Variants in DLC1 observed in about 807,000 individuals in gnomAD.
DLC1 encodes rho GTPase-activating protein 7.
Under a neutral mutation model 140.3 loss-of-function variants are expected in DLC1, and 54 were observed. The ratio of observed to expected loss-of-function variants is 0.38; its 90% CI spans 0.31 to 0.48. The LOEUF (loss-of-function observed/expected upper bound fraction) is 0.48, where lower values mean the gene tolerates loss of function less well. Ranked by LOEUF, DLC1 falls within the 20% of genes least tolerant of loss-of-function variation. The probability of loss-of-function intolerance (pLI) is 0.96; values close to 1 mark genes in which losing one functional copy is unlikely to be tolerated. For synonymous variants in DLC1, 986 were observed against 728.1 expected, an observed-to-expected ratio of 1.35 and a Z score of -5.70; for missense variants, 2,536 against 1,907.0, an observed-to-expected ratio of 1.33 and a Z score of -6.14.
chr8:13,513,544 T>C (rs766708043), intron 1 of DLC1, among the ~76,000 whole-genome samples: 2 of 152,112 alleles, frequency 1.3e-5, no homozygotes, highest in Non-Finnish European at 2.9e-5. Flanking sequence ...ACTTAGTATA[T>C]TTTGTATTCA....
chr8:13,128,824 G>A (rs1304478969), intron 5 of DLC1, among the ~76,000 whole-genome samples: 2 of 146,520 alleles, frequency 1.4e-5, no homozygotes, highest in African/African-American at 5.2e-5. Context: ...GACAGAGAGA[G>A]ACTCCGTCTC....
At chr8:13,263,592 A>C (rs1273643433) in intron 5 of DLC1, among the ~76,000 whole-genome samples, 2 of 150,876 alleles carry the variant, frequency 1.3e-5, no homozygotes, top group East Asian at 3.9e-4. Flanking sequence ...TTATATCTGT[A>C]CATATGTGTT....
intron 2 of DLC1, among the ~76,000 whole-genome samples, chr8:13,461,820 T>C (rs964644856): frequency 6.6e-6 from 1 of 152,144 alleles, no homozygotes; most frequent in Non-Finnish European, 1.5e-5. Flanking sequence ...ATGCTCTTCG[T>C]TACCCCGTAC....
chr8:13,206,361 G>A (rs1263460601), intron 5 of DLC1, among the ~76,000 whole-genome samples: 1 of 152,162 alleles, frequency 6.6e-6, no homozygotes, highest in Non-Finnish European at 1.5e-5. Context: ...ATTATGTCAT[G>A]TAAAAGGTTT....
intron 2 of DLC1, among the ~76,000 whole-genome samples, chr8:13,435,186 A>G (rs73208006): frequency 4.0e-4 from 61 of 152,330 alleles, no homozygotes; most frequent in Admixed American, 1.7e-3. Flanking sequence ...TCCAATCCTC[A>G]TGGATGACTT....
At chr8:13,179,287 A>C (rs1825914659) in intron 5 of DLC1, among the ~76,000 whole-genome samples, 1 of 152,108 alleles carries the variant, frequency 6.6e-6, no homozygotes, top group South Asian at 2.1e-4. Context: ...GTGGGGCAGG[A>C]AGGGATCGTC....
At chr8:13,142,113 T>G (rs975275608) in intron 5 of DLC1, among the ~76,000 whole-genome samples, 7 of 152,230 alleles carry the variant, frequency 4.6e-5, no homozygotes, top group African/African-American at 1.7e-4. Context: ...TCCTGCCGCC[T>G]TGTGAAGAAG....
chr8:13,391,489 G>T (rs898635424), intron 4 of DLC1, among the ~76,000 whole-genome samples: 3 of 151,930 alleles, frequency 2.0e-5, no homozygotes, highest in African/African-American at 7.3e-5. Flanking sequence ...TGCGATTGTG[G>T]GGTGGTCAAT....
At chr8:13,412,088 T>C (rs1465461925) in intron 2 of DLC1, among the ~76,000 whole-genome samples, 1 of 152,186 alleles carries the variant, frequency 6.6e-6, no homozygotes, top group Non-Finnish European at 1.5e-5. Context: ...AATATTTAGA[T>C]CATATGTACG....
intron 1 of DLC1, among the ~76,000 whole-genome samples, chr8:13,571,991 C>T (rs1199453201): frequency 1.3e-5 from 2 of 152,034 alleles, no homozygotes; most frequent in Non-Finnish European, 2.9e-5. Flanking sequence ...GATTAATGTT[C>T]ATTTGTGTAT....
intron 2 of DLC1, among the ~76,000 whole-genome samples, chr8:13,480,826 C>G (rs1241070739): frequency 1.3e-5 from 2 of 152,152 alleles, no homozygotes; most frequent in African/African-American, 4.8e-5. Context: ...ATCGCTTGAG[C>G]TTGGGAGGTA....
intron 2 of DLC1, among the ~76,000 whole-genome samples, chr8:13,455,112 A>C (rs543179440): frequency 6.6e-6 from 1 of 152,144 alleles, no homozygotes; most frequent in Non-Finnish European, 1.5e-5. Flanking sequence ...ATTGTTCATA[A>C]CTCACACTTT....
chr8:13,159,512 G>C (rs1824521344), intron 5 of DLC1, among the ~76,000 whole-genome samples: 1 of 152,136 alleles, frequency 6.6e-6, no homozygotes, highest in South Asian at 2.1e-4. Flanking sequence ...CTTGCTGAAG[G>C]CACCATCTCA....
At chr8:13,561,966 G>C (rs1804259346) in intron 1 of DLC1, among the ~76,000 whole-genome samples, 1 of 152,016 alleles carries the variant, frequency 6.6e-6, no homozygotes, top group South Asian at 2.1e-4. Flanking sequence ...TTATATATTT[G>C]GAAAACACAG....
chr8:13,218,399 A>G (rs773777116), intron 5 of DLC1, among the ~76,000 whole-genome samples: 5 of 152,212 alleles, frequency 3.3e-5, no homozygotes, highest in Admixed American at 3.3e-4. Context: ...CTTCATCAAA[A>G]TTAAAGGCTT....
chr8:13,521,193 C>G (rs1426773398), intron 1 of DLC1, among the ~76,000 whole-genome samples: 2 of 151,864 alleles, frequency 1.3e-5, no homozygotes, highest in Non-Finnish European at 2.9e-5. Context: ...TAAAAGGGAG[C>G]TGAACAATGA....
chr8:13,566,845 G>C, intron 1 of DLC1: 1 of 1,104,974 alleles, frequency 9.0e-7, no homozygotes, highest in Non-Finnish European at 1.2e-6. Flanking sequence ...GCGTTGCCAA[G>C]ACAGCTGGGA....
In DLC1 at chr8:13,412,351, G is replaced by A. The variant is rs375020846; in HGVS notation, c.1024-10732C>T. ...GGAGAGTAGCTTGGGAGTCTCTATC[G>A]AAATTTAAAGTAGAACACATTCTTC... On this transcript the variant is annotated intron_variant, in intron 2 of 17. Transcript: ENST00000276297. Among the ~76,000 whole-genome samples the A allele has an allele frequency of 1.5e-4, 23 of 151,948 alleles. No homozygotes were observed. In the East Asian group the frequency reaches 2.9e-3, roughly 19 times the overall value.
At chr8:13,509,989 A>C (rs1433501721) in intron 1 of DLC1, among the ~76,000 whole-genome samples, 1 of 152,114 alleles carries the variant, frequency 6.6e-6, no homozygotes, top group Non-Finnish European at 1.5e-5. Context: ...CTAGATGTAA[A>C]GTGACTTGAT....
Sources: gnomAD v4.1 joint callset for allele counts (sites outside exome capture counted in the v4.1 genomes callset) on GRCh38, gnomAD v4.1.1 for gene constraint, MANE v1.5 for transcripts, NCBI Gene and HGNC (gene_info 2026-07-23, HGNC 2026-07-21) for gene names.